The following PDGFRL variants were observed in gnomAD, a reference collection of about 807,000 sequenced individuals.
The protein encoded by PDGFRL is platelet derived growth factor receptor like, also known as platelet-derived growth factor receptor-like protein.
Under a neutral mutation model 37.2 loss-of-function variants are expected in PDGFRL, and 46 were observed. The observed-to-expected ratio is 1.24, with a 90% confidence interval of 0.98 to 1.58. PDGFRL has a LOEUF of 1.58. PDGFRL is among the 40% of genes most tolerant of loss of function. The pLI is 0.00. For synonymous variants in PDGFRL, 251 were observed against 184.3 expected (o/e 1.36, Z -2.93); for missense variants, 692 against 467.6 (o/e 1.48, Z -4.43).
rs189993790 is a variant in PDGFRL, at chr8:17,593,663, G to A, written c.353+3898G>A. ...TAATCCCAGCACTTTGGGAGGCTGA[G>A]GCGGGCGGATCACCGGAGGTCAGGA... On this transcript the variant is annotated intron_variant, in intron 2 of 5. Coordinates refer to ENST00000251630, the MANE Select transcript of PDGFRL (RefSeq NM_001372073.1). Among the ~76,000 whole-genome samples, 769 of 151,898 alleles carry A rather than the reference G, an allele frequency of 5.1e-3. 8 individuals are homozygous for A. The highest frequency in any genetic ancestry group is 0.017 in the African/African-American group (711 of 41,438).
In PDGFRL at chr8:17,642,860, T is replaced by C. The variant is rs578059386; in HGVS notation, c.*59T>C. ...GCCCATTTGTGTACACAGTCAGCTT[T>C]GGGGTTCCTTTTATTAGTGCTTTGC... On this transcript the variant is annotated 3_prime_UTR_variant, in exon 6 of 6. Coordinates refer to ENST00000251630, the MANE Select transcript of PDGFRL (RefSeq NM_001372073.1). 1.8e-6 allele frequency: 2 copies of C among 1,139,784 alleles called. No individual in the cohort carries two copies. The highest frequency in any genetic ancestry group is 2.6e-6 in the Non-Finnish European group (2 of 770,184). 70.6% of individuals were successfully genotyped at this position (1,139,784 alleles called of 1,614,324 possible). A position where few individuals can be genotyped will look rare whatever the true frequency, so the allele number is the denominator to read the frequency against.
At chr8:17,609,634 T>TAAAAAAAAAA in intron 2 of PDGFRL, among the ~76,000 whole-genome samples, 1 of 43,542 alleles carries the variant, frequency 2.3e-5, no homozygotes, top group Non-Finnish European at 4.0e-5. Flanking sequence ...TGAGACTCTG[T>TAAAAAAAAAA]AAAAAAAAAA....
intron 2 of PDGFRL, among the ~76,000 whole-genome samples, chr8:17,596,619 T>G (rs1285093183): frequency 6.6e-6 from 1 of 152,220 alleles, no homozygotes; most frequent in African/African-American, 2.4e-5. Flanking sequence ...GACTCTAAAG[T>G]GAGCGTTAAT....
At chr8:17,613,381 G>A (rs1345862094) in intron 2 of PDGFRL, among the ~76,000 whole-genome samples, 1 of 152,140 alleles carries the variant, frequency 6.6e-6, no homozygotes, top group African/African-American at 2.4e-5. Flanking sequence ...TGGACAGAGG[G>A]TCAAAAAGAA....
intron 2 of PDGFRL, among the ~76,000 whole-genome samples, chr8:17,613,311 G>A (rs1804459485): frequency 6.6e-6 from 1 of 152,188 alleles, no homozygotes; most frequent in South Asian, 2.1e-4. Context: ...TTTTCTCAGA[G>A]TCTAGAGAAT....
At chr8:17,622,679 C>A (rs771594224) in intron 3 of PDGFRL, among the ~76,000 whole-genome samples, 1 of 152,084 alleles carries the variant, frequency 6.6e-6, no homozygotes, top group African/African-American at 2.4e-5. Context: ...TAAAAGAGTG[C>A]GTGGAGTAGA....
chr8:17,599,989 T>C (rs1804133663), intron 2 of PDGFRL, among the ~76,000 whole-genome samples: 1 of 152,208 alleles, frequency 6.6e-6, no homozygotes, highest in Admixed American at 6.5e-5. Flanking sequence ...TGGGTCCTTT[T>C]CATCAATATT....
intron 3 of PDGFRL, among the ~76,000 whole-genome samples, chr8:17,628,023 T>C (rs1804769510): frequency 7.3e-6 from 1 of 136,950 alleles, no homozygotes; most frequent in Non-Finnish European, 1.5e-5. Flanking sequence ...AGACGGAGTC[T>C]GGCTCTGTCG....
chr8:17,637,443 A>G (rs1804995348), intron 5 of PDGFRL, among the ~76,000 whole-genome samples: 1 of 152,220 alleles, frequency 6.6e-6, no homozygotes, highest in African/African-American at 2.4e-5. Flanking sequence ...TGGACTATCT[A>G]TTTGATATGC....
chr8:17,577,388 A>T lies in PDGFRL; in HGVS notation c.55+81A>T, dbSNP rs1288735882. On this transcript the variant is annotated intron_variant, in intron 1 of 5. Coordinates refer to ENST00000251630, the MANE Select transcript of PDGFRL (RefSeq NM_001372073.1). ...CCGAAGCCCCCGCCGCCCTCCTGCC[A>T]GCTCTTGGTCTAACGTTCGGCCCTC... The T allele has an allele frequency of 4.9e-6, 6 of 1,225,376 alleles. No homozygotes were observed. In the East Asian group the frequency reaches 1.2e-4, roughly 25 times the overall value. 75.9% of individuals were successfully genotyped at this position (1,225,376 alleles called of 1,614,324 possible). A position where few individuals can be genotyped will look rare whatever the true frequency, so the allele number is the denominator to read the frequency against.
chr8:17,610,142 A>T (rs988230639), intron 2 of PDGFRL, among the ~76,000 whole-genome samples: 7 of 152,174 alleles, frequency 4.6e-5, no homozygotes, highest in African/African-American at 1.4e-4. Context: ...AGGGTGGCAG[A>T]GGCTTGCTCC....
chr8:17,634,355 GC>G, intron 5 of PDGFRL, 142 bp downstream of exon 5: 1 of 618,234 alleles, frequency 1.6e-6, no homozygotes, highest in Non-Finnish European at 2.8e-6. Flanking sequence ...TATGTTGGGG[GC>G]CAGGTATTGT....
chr8:17,602,194 G>A (rs1410408528), intron 2 of PDGFRL, among the ~76,000 whole-genome samples: 1 of 152,132 alleles, frequency 6.6e-6, no homozygotes, highest in Non-Finnish European at 1.5e-5. Context: ...GATTTGGTTT[G>A]GATTTCTTTA....
intron 4 of PDGFRL, among the ~76,000 whole-genome samples, chr8:17,632,298 A>G (rs577163752): frequency 6.6e-6 from 1 of 150,970 alleles, no homozygotes; most frequent in Admixed American, 6.6e-5. Context: ...CATTTCCCCT[A>G]TGTCCACCTT....
intron 5 of PDGFRL, among the ~76,000 whole-genome samples, chr8:17,638,346 T>C (rs945221814): frequency 2.6e-5 from 4 of 152,108 alleles, no homozygotes; most frequent in African/African-American, 7.2e-5. Context: ...CATGTGTTTG[T>C]ATGTTTTGAG....
chr8:17,642,569 A>G, intron 5 of PDGFRL, 44 bp from the exon 6 acceptor site: 1 of 1,211,508 alleles, frequency 8.3e-7, no homozygotes, highest in East Asian at 2.3e-5. Context: ...TCTTTATAGC[A>G]GCTTGTCCCT....
chr8:17,596,352 A>C, intron 2 of PDGFRL: 1 of 1,239,310 alleles, frequency 8.1e-7, no homozygotes, highest in Non-Finnish European at 1.0e-6. Context: ...GAAGAAGCCA[A>C]CGCGCCCGCA....
intron 4 of PDGFRL, among the ~76,000 whole-genome samples, chr8:17,632,684 C>G (rs1804887554): frequency 6.6e-6 from 1 of 152,184 alleles, no homozygotes; most frequent in Non-Finnish European, 1.5e-5. Flanking sequence ...CTCCCAGAAA[C>G]AAAGTCCAAA....
At chr8:17,627,383 A>G (rs141208139) in intron 3 of PDGFRL, among the ~76,000 whole-genome samples, 22 of 152,320 alleles carry the variant, frequency 1.4e-4, no homozygotes, top group Non-Finnish European at 2.5e-4. Flanking sequence ...GAGTGGATGT[A>G]AATACATTTT....
Sources: gnomAD v4.1 joint callset for allele counts (sites outside exome capture counted in the v4.1 genomes callset) on GRCh38, gnomAD v4.1.1 for gene constraint, MANE v1.5 for transcripts, NCBI Gene and HGNC (gene_info 2026-07-23, HGNC 2026-07-21) for gene names.